Variants in AP1M1 observed in about 807,000 individuals in gnomAD.
The protein encoded by AP1M1 is adaptor related protein complex 1 subunit mu 1.
AP1M1 carries 18 observed loss-of-function variants against 57.1 expected under a neutral mutation model. The observed-to-expected ratio is 0.32, with a 90% CI of 0.22 to 0.47. The LOEUF (loss-of-function observed/expected upper bound fraction) is 0.47. AP1M1 is among the 20% of genes least tolerant of loss of function. The pLI, the probability that AP1M1 is intolerant of heterozygous loss-of-function variation, is 1.00. For synonymous variants in AP1M1, 241 were observed against 237.9 expected, an observed-to-expected ratio of 1.01 and a Z score of -0.12; for missense variants, 362 against 593.5, an observed-to-expected ratio of 0.61 and a Z score of 4.05.
In AP1M1 at chr19:16,234,599, G is replaced by A. The variant is rs1285640829; in HGVS notation, c.*164G>A. 10 of 782,748 alleles carry A rather than the reference G, an allele frequency of 1.3e-5. No individual in the cohort carries two copies. Among genetic ancestry groups the A allele is most frequent in the South Asian group, 8.3e-5 (5 of 60,016 alleles). The allele number at this position is 782,748 out of a possible 1,614,324, so 48.5% of individuals were successfully genotyped here. A position where few individuals can be genotyped will look rare whatever the true frequency, so the allele number is the denominator to read the frequency against. On this transcript the variant is annotated 3_prime_UTR_variant, in exon 12 of 12. Transcript: ENST00000291439. ...TCCCCAGGCCATCTGCTCTGCCGTC[G>A]ACACTCGTCTCAGAAGCCCCTTTCC...
At chr19:16,204,394 G>A (rs1403871225) in intron 2 of AP1M1, among the ~76,000 whole-genome samples, 1 of 152,210 alleles carries the variant, frequency 6.6e-6, no homozygotes, top group African/African-American at 2.4e-5. Context: ...GGAAGGGCCT[G>A]CTTTGCCACT....
At chr19:16,199,242 G>C (rs1472822088) in intron 1 of AP1M1, among the ~76,000 whole-genome samples, 2 of 152,200 alleles carry the variant, frequency 1.3e-5, no homozygotes, top group Non-Finnish European at 2.9e-5. Flanking sequence ...CTCAGCCCGA[G>C]GATGAGAGAG....
chr19:16,211,194 A>G lies in AP1M1; in HGVS notation c.546+2017A>G, dbSNP rs918312640. On this transcript the variant is annotated intron_variant, in intron 5 of 11. Transcript: ENST00000291439. Reference sequence around the variant, plus strand: ...GTGCAACCTCCACCTCCGGGCTTCAAGTGCTTCTCCAGCCTCAGCCTCCCA... The same window carrying G: ...GTGCAACCTCCACCTCCGGGCTTCAGGTGCTTCTCCAGCCTCAGCCTCCCA... 3.4e-4 allele frequency among the ~76,000 whole-genome samples: 51 copies of G among 151,078 alleles called. 1 individual carries two copies. Among genetic ancestry groups the G allele is most frequent in the Admixed American group, 3.3e-3 (50 of 15,114 alleles).
At position 16,236,693 on chromosome 19, in the gene AP1M1, A is replaced by T. The variant is rs955227594; in HGVS notation, c.*2258A>T. 1.3e-5 allele frequency: 2 copies of T among 152,252 alleles called. No homozygotes were observed. The highest frequency in any genetic ancestry group is 4.8e-5 in the African/African-American group (2 of 41,462). The allele number at this position is 152,252 out of a possible 1,614,324, so 9.4% of individuals were successfully genotyped here. A position where few individuals can be genotyped will look rare whatever the true frequency, so the allele number is the denominator to read the frequency against. On this transcript the variant is annotated 3_prime_UTR_variant, in exon 12 of 12. Coordinates refer to ENST00000291439, the MANE Select transcript of AP1M1 (RefSeq NM_032493.4). Reference sequence around the variant, plus strand: ...TCCACAGGAGAAAAAGTCACCACTCATTTAGACCCCACGCTTGTAATATCA... The same window carrying T: ...TCCACAGGAGAAAAAGTCACCACTCTTTTAGACCCCACGCTTGTAATATCA...
Position 16,206,111 on chromosome 19 carries a change from T to G in AP1M1, c.200-230T>G, listed in dbSNP as rs556242722. Among the ~76,000 whole-genome samples the G allele has an allele frequency of 7.2e-5, 11 of 152,238 alleles. No individual in the cohort carries two copies. The East Asian group carries it at 1.4e-3, about 19-fold the overall frequency. ...CCTGCCATCCCTGTGATTCTCCATC[T>G]CAGTGAGTGCTCCCTGGGGCCTGGG... On this transcript the variant is annotated intron_variant, in intron 2 of 11. Transcript: ENST00000291439. This position sits in a 1 kb window ranked among gnomAD's most constrained non-coding sequence, Gnocchi z 4.3.
At chr19:16,233,648 G>T in intron 10 of AP1M1, 30 bp downstream of exon 10, 2 of 1,597,142 alleles carry the variant, frequency 1.3e-6, no homozygotes, top group Non-Finnish European at 8.5e-7. Context: ...CCGGGGCCCA[G>T]AACAGGGACA....
Position 16,197,990 on chromosome 19 carries a change from C to CCGCCCTCGGCCGCTGCCGCCGCCAA in AP1M1, c.-19_-18insCCGCCAACGCCCTCGGCCGCTGCCG. On this transcript the variant is annotated 5_prime_UTR_variant, in exon 1 of 12. Coordinates refer to ENST00000291439, the MANE Select transcript of AP1M1 (RefSeq NM_032493.4). ...GTCCCCACCGTCGCTGCCGCCGCCACCGCCCTCGGCCGCTGCCGAGGCCTC... is the reference window on the plus strand; with the variant it reads ...GTCCCCACCGTCGCTGCCGCCGCCACCGCCCTCGGCCGCTGCCGCCGCCAACGCCCTCGGCCGCTGCCGAGGCCTC... 6.5e-7 allele frequency: 1 copy of CCGCCCTCGGCCGCTGCCGCCGCCAA among 1,547,296 alleles called. No homozygotes were observed. The highest frequency in any genetic ancestry group is 8.7e-7 in the Non-Finnish European group (1 of 1,149,954).
At chr19:16,210,340 A>C (rs1191937615) in intron 5 of AP1M1, 1 of 717,396 alleles carries the variant, frequency 1.4e-6, no homozygotes, top group Non-Finnish European at 2.6e-6. Flanking sequence ...ATGTGTGGAC[A>C]TAAGTTTTCA....
chr19:16,230,705 C>T (rs928067215), intron 9 of AP1M1, among the ~76,000 whole-genome samples: 2 of 152,032 alleles, frequency 1.3e-5, no homozygotes, highest in Admixed American at 6.6e-5. Context: ...GGCTGGTAAA[C>T]GTAACTTTTA....
Position 16,245,283 on chromosome 19 carries a change from CTTT to C in AP1M1, c.*10849_*10851del, listed in dbSNP as rs1408420473. 2 of 151,438 alleles carry C rather than the reference CTTT, an allele frequency of 1.3e-5. No homozygotes were observed. Among genetic ancestry groups the C allele is most frequent in the African/African-American group, 2.4e-5 (1 of 41,154 alleles). The allele number at this position is 151,438 out of a possible 1,614,324, so 9.4% of individuals were successfully genotyped here. ...TTAGCACTGTAACTTTGCTTTTCTT[CTTT>C]GTTTTGTTTTTTTGAGACAGAGTCT... On this transcript the variant is annotated 3_prime_UTR_variant, in exon 12 of 12. Coordinates refer to ENST00000291439, the MANE Select transcript of AP1M1 (RefSeq NM_032493.4).
intron 5 of AP1M1, among the ~76,000 whole-genome samples, chr19:16,219,895 G>T (rs962619890): frequency 3.9e-5 from 6 of 152,010 alleles, no homozygotes; most frequent in Non-Finnish European, 8.8e-5. Context: ...TTTTGGATTT[G>T]GGATTTTTGA....
At chr19:16,223,851 C>T (rs950946164) in intron 5 of AP1M1, among the ~76,000 whole-genome samples, 4 of 152,190 alleles carry the variant, frequency 2.6e-5, no homozygotes, top group Non-Finnish European at 4.4e-5. Flanking sequence ...GGGGAAGGGG[C>T]GCCAGCCGAC....
intron 2 of AP1M1, among the ~76,000 whole-genome samples, chr19:16,204,224 G>A (rs2091460686): frequency 6.6e-6 from 1 of 152,074 alleles, no homozygotes; most frequent in Non-Finnish European, 1.5e-5. Context: ...ACGGAGGGGT[G>A]GTGGGGTACA....
chr19:16,234,551 C>A lies in AP1M1; in HGVS notation c.*116C>A. The A allele has an allele frequency of 2.2e-6, 3 of 1,384,088 alleles. No individual in the cohort carries two copies. Among genetic ancestry groups the A allele is most frequent in the Non-Finnish European group, 3.0e-6 (3 of 997,522 alleles). The allele number at this position is 1,384,088 out of a possible 1,614,324, so 85.7% of individuals were successfully genotyped here. ...CCCTGGTCTCTGGCCACCCTCCCAG[C>A]CTCTGCCCAGGGACCCCTGCCTTCC... is the stretch of plus-strand genomic sequence containing the variant. On this transcript the variant is annotated 3_prime_UTR_variant, in exon 12 of 12. Transcript: ENST00000291439.
In AP1M1 at chr19:16,206,334, C is replaced by T; in HGVS notation, c.200-7C>T. On this transcript the variant is annotated splice_polypyrimidine_tract_variant and splice_region_variant and intron_variant, in intron 2 of 11. Coordinates refer to ENST00000291439, the MANE Select transcript of AP1M1 (RefSeq NM_032493.4). The surrounding 1 kb of genome is among the most constrained non-coding windows in gnomAD (Gnocchi z 4.3). ...CTGAATGCTCCTTAACTGTGGCCGC[C>T]ATGCAGTGGTTGCCACATCCAAGAA... 6.2e-7 allele frequency: 1 copy of T among 1,614,092 alleles called. No individual in the cohort carries two copies. The highest frequency in any genetic ancestry group is 8.5e-7 in the Non-Finnish European group (1 of 1,179,986).
In AP1M1 at chr19:16,240,913, C is replaced by T. The variant is rs1415785299; in HGVS notation, c.*6478C>T. ...GAGATTAAAATGTCTCTCCAAAGAG[C>T]AATTGGACAGAGAACTGGTTTCACA... On this transcript the variant is annotated 3_prime_UTR_variant, in exon 12 of 12. Transcript: ENST00000291439. 1 of 152,208 alleles carries T rather than the reference C, an allele frequency of 6.6e-6. No individual in the cohort carries two copies. The highest frequency in any genetic ancestry group is 2.4e-5 in the African/African-American group (1 of 41,452). 9.4% of individuals were successfully genotyped at this position (152,208 alleles called of 1,614,324 possible).
chr19:16,234,429 C>G lies in AP1M1; in HGVS notation c.1266C>G (p.Thr422=). The change falls in exon 12 of 12, where the codon ACC becomes ACG. Residue 422 remains threonine, a synonymous_variant. Coordinates refer to ENST00000291439, the MANE Select transcript of AP1M1 (RefSeq NM_032493.4). ...GTCTCCTAGATTACCAGCTCCGGAC[C>G]CAGTGAGGGGCTGTCGCAGCCAACA... ...ITQNGDYQLR[T]Q 6.2e-7 allele frequency: 1 copy of G among 1,613,820 alleles called. No homozygotes were observed. Among genetic ancestry groups the G allele is most frequent in the Non-Finnish European group, 8.5e-7 (1 of 1,179,942 alleles).
chr19:16,228,668 A>C lies in AP1M1; in HGVS notation c.889-102A>C. ...GAGAAGTGGGGCCAGGGGCGGGGCTAGGGAGGATCCCCCGGGCCAGGCTGA... is the reference window on the plus strand; with the variant it reads ...GAGAAGTGGGGCCAGGGGCGGGGCTCGGGAGGATCCCCCGGGCCAGGCTGA... On this transcript the variant is annotated intron_variant, in intron 8 of 11. Coordinates refer to ENST00000291439, the MANE Select transcript of AP1M1 (RefSeq NM_032493.4). The surrounding 1 kb of genome is among the most constrained non-coding windows in gnomAD (Gnocchi z 5.0). 7.3e-7 allele frequency: 1 copy of C among 1,364,634 alleles called. No homozygotes were observed. The highest frequency in any genetic ancestry group is 1.8e-5 in the Admixed American group (1 of 54,414). The allele number at this position is 1,364,634 out of a possible 1,614,324, so 84.5% of individuals were successfully genotyped here.
At chr19:16,220,037 G>T (rs2362485) in intron 5 of AP1M1, among the ~76,000 whole-genome samples, 7 of 152,136 alleles carry the variant, frequency 4.6e-5, no homozygotes, top group African/African-American at 1.7e-4. Flanking sequence ...TAATGTTTTT[G>T]TCTGGTTTTG....
Sources: allele counts gnomAD v4.1 joint callset (sites outside exome capture counted in the v4.1 genomes callset), GRCh38; gene constraint gnomAD v4.1.1; non-coding constraint Gnocchi (gnomAD v3.1); transcripts MANE v1.5; gene names NCBI Gene and HGNC (gene_info 2026-07-23, HGNC 2026-07-21).